Variants in MED17 observed in about 807,000 individuals in gnomAD.
MED17 encodes the protein mediator of RNA polymerase II transcription subunit 17.
MED17 carries 49 observed loss-of-function variants against 80.8 expected under a neutral mutation model. The ratio of observed to expected loss-of-function variants is 0.61; its 90% CI spans 0.48 to 0.77. MED17 has a LOEUF of 0.77. Ranked by LOEUF, MED17 falls within the 30% of genes least tolerant of loss-of-function variation. The pLI is 0.00. For missense variants in MED17, 718 were observed against 787.0 expected, an observed-to-expected ratio of 0.91 and a Z score of 1.05; for synonymous variants, 281 against 280.4, an observed-to-expected ratio of 1.00 and a Z score of -0.02.
intron 10 of MED17, 27 bp from the exon 11 acceptor site, chr11:93,809,690 C>A: frequency 6.2e-7 from 1 of 1,613,680 alleles, no homozygotes; most frequent in South Asian, 1.1e-5. Context: ...TGCTGACTGT[C>A]AGTCAAGTGT....
At chr11:93,790,887 A>G (rs1943828416) in intron 3 of MED17, 94 bp downstream of exon 3, 5 of 1,100,362 alleles carry the variant, frequency 4.5e-6, no homozygotes, top group Non-Finnish European at 6.7e-6. Context: ...CAGTTGGATC[A>G]CTTGAGGCCA....
chr11:93,812,407 C>A lies in MED17; in HGVS notation c.*343C>A. 2.0e-6 allele frequency: 1 copy of A among 491,628 alleles called. No individual in the cohort carries two copies. The highest frequency in any genetic ancestry group is 3.2e-5 in the East Asian group (1 of 30,926). The allele number at this position is 491,628 out of a possible 1,614,324, so 30.5% of individuals were successfully genotyped here. ...AATAAAGTATGTGGTTTAAAAAAAT[C>A]TCCAAATACCTTTTTTTCCCCCCAA... On this transcript the variant is annotated 3_prime_UTR_variant, in exon 12 of 12. Transcript: ENST00000251871.
chr11:93,796,303 T>C, intron 6 of MED17, 107 bp from the exon 7 acceptor site: 1 of 1,123,290 alleles, frequency 8.9e-7, no homozygotes, highest in Non-Finnish European at 1.3e-6. Flanking sequence ...TCTTCAAGTT[T>C]AGAATATATC....
At chr11:93,808,383 A>T (rs910124224) in intron 10 of MED17, 1 of 150,224 alleles carries the variant, frequency 6.7e-6, no homozygotes, top group Non-Finnish European at 1.5e-5. Flanking sequence ...AAAAAAAAAA[A>T]AAAAAAAAAG....
intron 8 of MED17, among the ~76,000 whole-genome samples, chr11:93,799,088 C>T (rs977088884): frequency 1.3e-5 from 2 of 152,092 alleles, no homozygotes; most frequent in African/African-American, 4.8e-5. Flanking sequence ...GTAGTCCCTA[C>T]ACTTTAGGAG....
intron 8 of MED17, among the ~76,000 whole-genome samples, chr11:93,800,358 G>T (rs1250587309): frequency 6.6e-6 from 1 of 151,874 alleles, no homozygotes; most frequent in Non-Finnish European, 1.5e-5. Context: ...GCGTGGCATG[G>T]TGGCTCATGC....
At position 93,784,581 on chromosome 11, in the gene MED17, G is replaced by T; in HGVS notation, c.68G>T (p.Gly23Val). 6.2e-7 allele frequency: 1 copy of T among 1,610,926 alleles called. No individual in the cohort carries two copies. Residue 23 changes from glycine to valine, a missense_variant, in exon 1 of 12, where the codon GGC (glycine) becomes GTC (valine). By Grantham distance (109) the Gly-to-Val change is moderately radical. Coordinates refer to ENST00000251871, the MANE Select transcript of MED17 (RefSeq NM_004268.5). ...SACEKQVHEV[G>V]LDGTETYLPP... ...TGCGAGAAGCAGGTCCATGAGGTGG[G>T]CCTGGATGGCACCGAGACGTACCTG...
intron 10 of MED17, chr11:93,808,587 A>G (rs1944052899): frequency 7.0e-6 from 1 of 143,630 alleles, no homozygotes; most frequent in African/African-American, 2.6e-5. Flanking sequence ...TTTTTTTTTC[A>G]CATTAAAAAA....
chr11:93,811,195 A>G, intron 11 of MED17: 1 of 152,196 alleles, frequency 6.6e-6, no homozygotes, highest in East Asian at 1.9e-4. Flanking sequence ...ATTTCAAAAT[A>G]CCCTTTTCCT....
rs569236637 is a variant in MED17, at chr11:93,796,392, CCTT to C, written c.1013-14_1013-12del. Reference sequence around the variant, plus strand: ...ATTTCAGGTTATTTACATATGTCCTCCTTCTTTTTATAAATAGGCTTGCAGTTA... The same window carrying C: ...ATTTCAGGTTATTTACATATGTCCTCCTTTTTATAAATAGGCTTGCAGTTA... On this transcript the variant is annotated splice_polypyrimidine_tract_variant and intron_variant, in intron 6 of 11. Transcript: ENST00000251871. The C allele has an allele frequency of 1.6e-4, 256 of 1,603,038 alleles. No homozygotes were observed. The African/African-American group carries it at 2.8e-3, about 18-fold the overall frequency.
Position 93,797,082 on chromosome 11 carries a change from G to A in MED17, c.1144-453G>A, listed in dbSNP as rs142306061. ...CCTTAGGAGGTTCAGATAGGCAGCC[G>A]GGTTTGGGAACCTCTAATCTAGGGT... On this transcript the variant is annotated intron_variant, in intron 7 of 11. Coordinates refer to ENST00000251871, the MANE Select transcript of MED17 (RefSeq NM_004268.5). 1.2e-3 allele frequency: 234 copies of A among 195,744 alleles called. 1 individual carries two copies. The highest frequency in any genetic ancestry group is 5.0e-3 in the African/African-American group (211 of 42,244). 12.1% of individuals were successfully genotyped at this position (195,744 alleles called of 1,614,324 possible).
rs1943752617 is a variant in MED17, at chr11:93,784,878, C to T, written c.250+115C>T. 9.3e-6 allele frequency: 13 copies of T among 1,402,138 alleles called. No homozygotes were observed. In the South Asian group the frequency reaches 1.6e-4, roughly 17 times the overall value. The allele number at this position is 1,402,138 out of a possible 1,614,324, so 86.9% of individuals were successfully genotyped here. On this transcript the variant is annotated intron_variant, in intron 1 of 11. Coordinates refer to ENST00000251871, the MANE Select transcript of MED17 (RefSeq NM_004268.5). ...TGCGTGCGAGAACTTTTGAGTGTCC[C>T]TCTAGCGGAAGCGTAAGGATACTTG...
Position 93,784,522 on chromosome 11 carries a change from G to C in MED17, c.9G>C (p.Gly3=), listed in dbSNP as rs1286801826. The C allele has an allele frequency of 6.2e-7, 1 of 1,602,460 alleles. No homozygotes were observed. The highest frequency in any genetic ancestry group is 8.5e-7 in the Non-Finnish European group (1 of 1,172,584). Residue 3 remains glycine (G), a synonymous_variant, in exon 1 of 12, where the codon GGG becomes GGC. Coordinates refer to ENST00000251871, the MANE Select transcript of MED17 (RefSeq NM_004268.5). MS[G]VRAVRISIES... ...TGGCCGACGCAGCCAGCATGTCCGG[G>C]GTGCGCGCAGTGCGGATCAGCATCG...
Position 93,812,090 on chromosome 11 carries a change from G to A in MED17, c.*26G>A. ...TTTTTTCCAGATGTTTCCTAAAGAA[G>A]TTTCCAGAAACTTTGACTTGAAATG... is the stretch of plus-strand genomic sequence containing the variant. On this transcript the variant is annotated 3_prime_UTR_variant, in exon 12 of 12. Coordinates refer to ENST00000251871, the MANE Select transcript of MED17 (RefSeq NM_004268.5). 1 of 1,600,802 alleles carries A rather than the reference G, an allele frequency of 6.2e-7. No individual in the cohort carries two copies. The highest frequency in any genetic ancestry group is 1.7e-4 in the Middle Eastern group (1 of 5,954).
chr11:93,785,822 A>G (rs1302408004), intron 1 of MED17, among the ~76,000 whole-genome samples: 1 of 152,160 alleles, frequency 6.6e-6, no homozygotes, highest in Non-Finnish European at 1.5e-5. Context: ...CCTGAGCAAC[A>G]TAGGGAGCTC....
At chr11:93,794,581 C>T in intron 5 of MED17, 1 of 383,454 alleles carries the variant, frequency 2.6e-6, no homozygotes, top group Non-Finnish European at 4.8e-6. Context: ...TATAGCTTTG[C>T]ACAGTGGCAG....
At chr11:93,790,488 C>G in intron 2 of MED17, 86 bp from the exon 3 acceptor site, 1 of 1,228,234 alleles carries the variant, frequency 8.1e-7, no homozygotes, top group South Asian at 1.3e-5. Flanking sequence ...GCTTTTTGTT[C>G]ACTTCATTTT....
chr11:93,804,873 AG>A (rs1944008084), intron 9 of MED17, among the ~76,000 whole-genome samples: 1 of 152,242 alleles, frequency 6.6e-6, no homozygotes, highest in Non-Finnish European at 1.5e-5. Context: ...CAACTTATGC[AG>A]GTAGGCTTAA....
At chr11:93,786,976 A>G (rs902901227) in intron 1 of MED17, among the ~76,000 whole-genome samples, 1 of 152,190 alleles carries the variant, frequency 6.6e-6, no homozygotes, top group Non-Finnish European at 1.5e-5. Flanking sequence ...CCAGAATATC[A>G]TACAGTGTTA....
Sources: allele counts gnomAD v4.1 joint callset (sites outside exome capture counted in the v4.1 genomes callset), GRCh38; gene constraint gnomAD v4.1.1; transcripts MANE v1.5; gene names NCBI Gene and HGNC (gene_info 2026-07-23, HGNC 2026-07-21).